Variants in UNC5C observed in about 807,000 individuals in gnomAD.
UNC5C encodes the protein unc-5 netrin receptor C.
UNC5C carries 47 observed loss-of-function variants against 99.8 expected under a neutral mutation model. The observed-to-expected ratio is 0.47, with a 90% CI of 0.37 to 0.60. UNC5C has a LOEUF of 0.60. Among genes scored for constraint, UNC5C ranks in the 20% least tolerant of loss-of-function variants. The probability of loss-of-function intolerance (pLI) is 0.00; values close to 1 mark genes in which losing one functional copy is unlikely to be tolerated. For missense variants in UNC5C, 1,062 were observed against 1,165.9 expected, an observed-to-expected ratio of 0.91 and a Z score of 1.30; for synonymous variants, 487 against 452.2, an observed-to-expected ratio of 1.08 and a Z score of -0.98.
intron 7 of UNC5C, among the ~76,000 whole-genome samples, chr4:95,234,114 C>G (rs1201195139): frequency 6.6e-6 from 1 of 151,950 alleles, no homozygotes; most frequent in African/African-American, 2.4e-5. Context: ...TTCTCTGTGT[C>G]TCTCTCTCTT....
chr4:95,500,182 G>C lies in UNC5C; in HGVS notation c.124+48552C>G, dbSNP rs1175292341. ...CAGGATTTTCTTTTTAATATTAATA[G>C]AACATAAATATTATTTCCATTTTGG... On this transcript the variant is annotated intron_variant, in intron 1 of 15. Transcript: ENST00000453304. 2.0e-5 allele frequency among the ~76,000 whole-genome samples: 3 copies of C among 152,002 alleles called. No individual in the cohort carries two copies. The East Asian group carries it at 5.8e-4, about 29-fold the overall frequency.
chr4:95,405,220 G>T (rs1025383850), intron 1 of UNC5C, among the ~76,000 whole-genome samples: 1 of 152,016 alleles, frequency 6.6e-6, no homozygotes, highest in African/African-American at 2.4e-5. Context: ...TGTAACTCTC[G>T]GGTTGCAGGC....
At chr4:95,270,835 A>G (rs1351625785) in intron 4 of UNC5C, among the ~76,000 whole-genome samples, 1 of 152,234 alleles carries the variant, frequency 6.6e-6, no homozygotes, top group Non-Finnish European at 1.5e-5. Context: ...AAAGGGCAAC[A>G]AATTGACTAA....
chr4:95,318,895 G>A (rs759794316), intron 2 of UNC5C, among the ~76,000 whole-genome samples: 7 of 152,104 alleles, frequency 4.6e-5, no homozygotes, highest in Non-Finnish European at 7.4e-5. Context: ...ACTACCAAGG[G>A]GTTTCATGAA....
chr4:95,219,451 T>C, intron 8 of UNC5C, 138 bp from the exon 9 acceptor site: 1 of 775,452 alleles, frequency 1.3e-6, no homozygotes, highest in South Asian at 1.8e-5. Flanking sequence ...CAGGCTCTAC[T>C]GAAAACAGGG....
At chr4:95,192,303 T>TCTCACCTCCTCCCCTG (rs1165179377) in intron 12 of UNC5C, among the ~76,000 whole-genome samples, 34 of 83,276 alleles carry the variant, frequency 4.1e-4, no homozygotes, top group African/African-American at 1.5e-3. Context: ...CTCCTCCCCT[T>TCTCACCTCCTCCCCTG]CTCACCTCCT....
At chr4:95,411,514 C>T (rs1381196013) in intron 1 of UNC5C, among the ~76,000 whole-genome samples, 4 of 152,088 alleles carry the variant, frequency 2.6e-5, no homozygotes, top group Admixed American at 2.6e-4. Flanking sequence ...TCTCTGGTTT[C>T]CTGATTTTCA....
chr4:95,487,469 T>C (rs1238864122), intron 1 of UNC5C, among the ~76,000 whole-genome samples: 2 of 151,488 alleles, frequency 1.3e-5, no homozygotes, highest in Non-Finnish European at 3.0e-5. Context: ...CTCTATGGTA[T>C]ACTTTTTAAT....
intron 1 of UNC5C, among the ~76,000 whole-genome samples, chr4:95,525,844 C>A (rs1196314164): frequency 6.6e-6 from 1 of 152,064 alleles, no homozygotes; most frequent in Non-Finnish European, 1.5e-5. Flanking sequence ...TCAACTCTGG[C>A]AAAATAGATT....
At chr4:95,305,816 A>G (rs1742041806) in intron 2 of UNC5C, among the ~76,000 whole-genome samples, 1 of 152,202 alleles carries the variant, frequency 6.6e-6, no homozygotes, top group South Asian at 2.1e-4. Flanking sequence ...ATACATTTCA[A>G]ATGAATATAG....
intron 1 of UNC5C, among the ~76,000 whole-genome samples, chr4:95,545,772 G>GCACACACACACACACA (rs3975180): frequency 2.0e-5 from 3 of 148,316 alleles, no homozygotes; most frequent in African/African-American, 7.4e-5. Flanking sequence ...GCGCGCGCGC[G>GCACACACACACACACA]CACACACACA....
intron 1 of UNC5C, among the ~76,000 whole-genome samples, chr4:95,484,736 A>G (rs1377533004): frequency 5.3e-5 from 8 of 151,832 alleles, no homozygotes; most frequent in Non-Finnish European, 1.2e-4. Flanking sequence ...GTTCAGAGTT[A>G]ACTGCTGCTA....
chr4:95,486,564 A>T (rs1197864090), intron 1 of UNC5C, among the ~76,000 whole-genome samples: 1 of 151,678 alleles, frequency 6.6e-6, no homozygotes, highest in African/African-American at 2.4e-5. Context: ...ATCTCCCAAG[A>T]ATGGGTGTCC....
intron 13 of UNC5C, among the ~76,000 whole-genome samples, chr4:95,184,114 A>G (rs1333125086): frequency 6.6e-6 from 1 of 152,242 alleles, no homozygotes; most frequent in African/African-American, 2.4e-5. Context: ...AAAGAGGTAT[A>G]CTGAGTAAGT....
intron 1 of UNC5C, among the ~76,000 whole-genome samples, chr4:95,393,538 G>A (rs1745419388): frequency 6.6e-6 from 1 of 152,162 alleles, no homozygotes; most frequent in Non-Finnish European, 1.5e-5. Context: ...TTGGCACTCA[G>A]GACTTGATTA....
At chr4:95,505,945 TA>T (rs1303678870) in intron 1 of UNC5C, among the ~76,000 whole-genome samples, 1 of 151,974 alleles carries the variant, frequency 6.6e-6, no homozygotes, top group Non-Finnish European at 1.5e-5. Context: ...GGGTAAAGAG[TA>T]ACTCTAAAGG....
chr4:95,546,301 C>G (rs1723066108), intron 1 of UNC5C, among the ~76,000 whole-genome samples: 1 of 152,194 alleles, frequency 6.6e-6, no homozygotes, highest in Non-Finnish European at 1.5e-5. Context: ...AAAAGGAGGT[C>G]TGACTATCAG....
chr4:95,531,377 T>C (rs1035024926), intron 1 of UNC5C, among the ~76,000 whole-genome samples: 2 of 152,204 alleles, frequency 1.3e-5, no homozygotes, highest in African/African-American at 2.4e-5. Flanking sequence ...TACAAACAAC[T>C]ACCAGTTAAA....
chr4:95,275,374 G>A (rs888485739), intron 4 of UNC5C, among the ~76,000 whole-genome samples: 2 of 152,134 alleles, frequency 1.3e-5, no homozygotes, highest in Admixed American at 6.5e-5. Context: ...TTTCTTGAGT[G>A]CTTTTGACAT....
Sources: allele counts gnomAD v4.1 joint callset (sites outside exome capture counted in the v4.1 genomes callset), GRCh38; gene constraint gnomAD v4.1.1; transcripts MANE v1.5; gene names NCBI Gene and HGNC (gene_info 2026-07-23, HGNC 2026-07-21).